DOCK3: variants seen among roughly 807,000 people sequenced by gnomAD.
DOCK3 encodes dedicator of cytokinesis protein 3.
Under a neutral mutation model 265.6 loss-of-function variants are expected in DOCK3, and 60 were observed. The ratio of observed to expected loss-of-function variants is 0.23; its 90% confidence interval spans 0.18 to 0.28. The LOEUF (loss-of-function observed/expected upper bound fraction) is 0.28, where lower values mean the gene tolerates loss of function less well. Ranked by LOEUF, DOCK3 falls within the 10% of genes least tolerant of loss-of-function variation. The probability of loss-of-function intolerance (pLI) is 1.00; values close to 1 mark genes in which losing one functional copy is unlikely to be tolerated. For missense variants in DOCK3, 1,981 were observed against 2,594.3 expected (o/e 0.76, Z 5.14); for synonymous variants, 881 against 938.0 (o/e 0.94, Z 1.11).
chr3:51,230,487 T>G (rs144256369), intron 19 of DOCK3, among the ~76,000 whole-genome samples: 1 of 152,242 alleles, frequency 6.6e-6, no homozygotes, highest in Non-Finnish European at 1.5e-5. Context: ...ATGGTGTACA[T>G]GTACCACATT....
intron 6 of DOCK3, among the ~76,000 whole-genome samples, chr3:51,065,777 C>T (rs1050972783): frequency 6.6e-6 from 1 of 152,166 alleles, no homozygotes; most frequent in African/African-American, 2.4e-5. Context: ...TTGCCAGTCA[C>T]CTACCCATGT....
At chr3:51,143,933 G>A (rs1355128086) in intron 9 of DOCK3, among the ~76,000 whole-genome samples, 3 of 152,208 alleles carry the variant, frequency 2.0e-5, no homozygotes, top group African/African-American at 7.2e-5. Context: ...GGAAACAAAT[G>A]TGAACAAGAT....
chr3:50,771,890 TAAAAC>T (rs1237072156), intron 1 of DOCK3, among the ~76,000 whole-genome samples: 5 of 151,592 alleles, frequency 3.3e-5, no homozygotes, highest in East Asian at 1.9e-4. Flanking sequence ...CAAAACAAAA[TAAAAC>T]AAAAAAATCT....
intron 12 of DOCK3, among the ~76,000 whole-genome samples, chr3:51,206,677 T>A (rs2108107051): frequency 6.6e-6 from 1 of 152,304 alleles, no homozygotes; most frequent in Admixed American, 6.5e-5. Context: ...AGGACCCTGA[T>A]GAGACTGCCT....
At chr3:50,984,180 A>G (rs1222130216) in intron 5 of DOCK3, among the ~76,000 whole-genome samples, 3 of 152,224 alleles carry the variant, frequency 2.0e-5, no homozygotes, top group Admixed American at 1.3e-4. Context: ...GAGTGGCAGA[A>G]CGAACCCAGT....
chr3:51,005,265 G>A (rs879298217), intron 5 of DOCK3, among the ~76,000 whole-genome samples: 6 of 152,114 alleles, frequency 3.9e-5, no homozygotes, highest in Non-Finnish European at 5.9e-5. Flanking sequence ...TGACTCACCA[G>A]TAACTTTTAT....
intron 9 of DOCK3, among the ~76,000 whole-genome samples, chr3:51,092,558 T>A (rs2082678260): frequency 6.6e-6 from 1 of 152,210 alleles, no homozygotes; most frequent in South Asian, 2.1e-4. Flanking sequence ...ACAGAGCACC[T>A]GGGGGAAGGA....
chr3:50,772,722 A>AT (rs1329398262), intron 1 of DOCK3, among the ~76,000 whole-genome samples: 58 of 152,354 alleles, frequency 3.8e-4, no homozygotes, highest in African/African-American at 1.3e-3. Context: ...CTAGGAATAA[A>AT]TTTAACCACA....
chr3:50,741,640 T>C, intron 1 of DOCK3, among the ~76,000 whole-genome samples: 2 of 149,100 alleles, frequency 1.3e-5, no homozygotes, highest in African/African-American at 2.5e-5. Flanking sequence ...TTCCATGGTG[T>C]ATATGTGCCA....
At chr3:50,929,159 C>T (rs996300773) in intron 4 of DOCK3, among the ~76,000 whole-genome samples, 8 of 152,178 alleles carry the variant, frequency 5.3e-5, no homozygotes, top group African/African-American at 1.9e-4. Context: ...ATAGAGTCTT[C>T]ATGTGTTGCA....
rs565410299 is a variant in DOCK3 at position 50,850,252 on chromosome 3, AG to A, written c.162+8543del. Among the ~76,000 whole-genome samples, 8 of 151,268 alleles carry A rather than the reference AG, an allele frequency of 5.3e-5. No individual in the cohort carries two copies. The South Asian group carries it at 1.5e-3, about 28-fold the overall frequency. The stretch of plus-strand genomic sequence containing the variant: ...GCACGTGCCTGTAGTCCCAGCCACT[AG>A]GGGGGCTGAGGCAGGAGGATCACTT... On this transcript the variant is annotated intron_variant, in intron 3 of 52. Coordinates refer to ENST00000266037, the MANE Select transcript of DOCK3 (RefSeq NM_004947.5).
intron 9 of DOCK3, among the ~76,000 whole-genome samples, chr3:51,125,871 G>A (rs1412443319): frequency 6.6e-6 from 1 of 152,162 alleles, no homozygotes; most frequent in African/African-American, 2.4e-5. Context: ...TAGGTAATGA[G>A]GGAGAGTAAC....
At chr3:50,925,077 G>T (rs772217517) in intron 4 of DOCK3, among the ~76,000 whole-genome samples, 1 of 149,844 alleles carries the variant, frequency 6.7e-6, no homozygotes, top group African/African-American at 2.4e-5. Context: ...TGATTCACAG[G>T]TTACTGTTAT....
intron 5 of DOCK3, among the ~76,000 whole-genome samples, chr3:50,949,695 T>G (rs1164547912): frequency 6.6e-6 from 1 of 152,154 alleles, no homozygotes; most frequent in Non-Finnish European, 1.5e-5. Context: ...TTTTGATCAA[T>G]TTTGATAATT....
At position 51,053,407 on chromosome 3, in the gene DOCK3, C is replaced by T. The variant is rs180717025; in HGVS notation, c.316-11041C>T. ...CTTTTCCCTTCCCCTTTCAATACTT[C>T]CAAACTAGTTGTATCACTATTTTTT... On this transcript the variant is annotated intron_variant, in intron 5 of 52. Transcript: ENST00000266037. Among the ~76,000 whole-genome samples the T allele has an allele frequency of 4.0e-5, 6 of 151,174 alleles. No individual in the cohort carries two copies. In the East Asian group the frequency reaches 9.8e-4, roughly 25 times the overall value.
At chr3:50,954,685 T>G (rs149318788) in intron 5 of DOCK3, among the ~76,000 whole-genome samples, 2,348 of 152,262 alleles carry the variant, frequency 0.015, 26 homozygotes, top group South Asian at 0.028. Flanking sequence ...TGGTTTTTTT[T>G]CTTGTAAATT....
At chr3:51,371,646 C>T (rs1184253264) in intron 49 of DOCK3, among the ~76,000 whole-genome samples, 3 of 152,226 alleles carry the variant, frequency 2.0e-5, no homozygotes, top group Non-Finnish European at 4.4e-5. Flanking sequence ...GGAAAGCTTT[C>T]GTAAAGGTGA....
intron 9 of DOCK3, among the ~76,000 whole-genome samples, chr3:51,126,824 A>G (rs1274007022): frequency 1.3e-5 from 2 of 152,110 alleles, no homozygotes; most frequent in Non-Finnish European, 2.9e-5. Flanking sequence ...AGGTAAACTC[A>G]TGTCATGGGG....
intron 12 of DOCK3, among the ~76,000 whole-genome samples, chr3:51,183,274 A>G (rs1315128306): frequency 1.3e-5 from 2 of 152,228 alleles, no homozygotes; most frequent in Non-Finnish European, 2.9e-5. Context: ...GGTTGATTGC[A>G]TGTGCCTAAC....
Sources: allele counts gnomAD v4.1 joint callset (sites outside exome capture counted in the v4.1 genomes callset), GRCh38; gene constraint gnomAD v4.1.1; transcripts MANE v1.5; gene names NCBI Gene and HGNC (gene_info 2026-07-23, HGNC 2026-07-21).